The following PCDHA2 variants were observed in gnomAD, a reference collection of about 807,000 sequenced individuals.
PCDHA2 encodes protocadherin alpha-2.
Under a neutral mutation model 66.0 loss-of-function variants are expected in PCDHA2, and 58 were observed. The ratio of observed to expected loss-of-function variants is 0.88; its 90% confidence interval spans 0.71 to 1.09. PCDHA2 has a LOEUF of 1.09. Among genes scored for constraint, PCDHA2 ranks in the 50% least tolerant of loss-of-function variants. The pLI, the probability that PCDHA2 is intolerant of heterozygous loss-of-function variation, is 0.00. For missense variants in PCDHA2, 1,267 were observed against 1,242.3 expected (o/e 1.02, Z -0.30); for synonymous variants, 634 against 554.0 (o/e 1.14, Z -2.03).
At chr5:140,960,836 AG>A (rs551951864) in intron 1 of PCDHA2, among the ~76,000 whole-genome samples, 345 of 152,342 alleles carry the variant, frequency 2.3e-3, no homozygotes, top group African/African-American at 7.6e-3. Flanking sequence ...AACTTGGAAC[AG>A]GTTTAATGGC....
chr5:140,856,162 C>T (rs782071685), intron 1 of PCDHA2: 7 of 1,598,320 alleles, frequency 4.4e-6, no homozygotes, highest in Non-Finnish European at 6.0e-6. Context: ...ACGAGGAGGC[C>T]AGACACGGCA....
chr5:140,973,015 A>T (rs1554234824), intron 1 of PCDHA2, among the ~76,000 whole-genome samples: 1 of 152,000 alleles, frequency 6.6e-6, no homozygotes, highest in African/African-American at 2.4e-5. Context: ...TGGTGTTGTG[A>T]TTGTTAATGA....
intron 1 of PCDHA2, chr5:140,802,579 C>T: frequency 1.9e-6 from 3 of 1,613,906 alleles, no homozygotes; most frequent in South Asian, 1.1e-5. Context: ...TCCGAGTACA[C>T]GGTGTTCGTG....
intron 1 of PCDHA2, among the ~76,000 whole-genome samples, chr5:140,977,973 A>G (rs1336063493): frequency 4.6e-5 from 7 of 152,178 alleles, no homozygotes; most frequent in Admixed American, 3.9e-4. Flanking sequence ...TCCGCCCATG[A>G]AAACGCATCT....
intron 1 of PCDHA2, chr5:140,875,350 T>G (rs1465566736): frequency 6.9e-7 from 1 of 1,444,966 alleles, no homozygotes; most frequent in African/African-American, 1.4e-5. Flanking sequence ...CCATAATGAC[T>G]GTGATGCTGG....
Position 140,797,252 on chromosome 5 carries a change from A to AC in PCDHA2, c.2295dup (p.Lys766GlnfsTer10), listed in dbSNP as rs558931090. Reference sequence around the variant, plus strand: ...CGGCAGAGGGTGTGCTCTGGGGAGGACCCCCCCAAGACGGACCTCATGGCC... The same window carrying AC: ...CGGCAGAGGGTGTGCTCTGGGGAGGACCCCCCCCAAGACGGACCTCATGGCC... On this transcript the variant is annotated frameshift_variant, in exon 1 of 4. Coordinates refer to ENST00000526136, the MANE Select transcript of PCDHA2 (RefSeq NM_018905.3). LOFTEE classifies it high-confidence loss of function. 2.9e-4 allele frequency: 466 copies of AC among 1,613,092 alleles called. 1 individual carries two copies. The highest frequency in any genetic ancestry group is 2.2e-3 in the African/African-American group (166 of 74,636).
At chr5:140,935,633 C>T (rs1316098876) in intron 1 of PCDHA2, among the ~76,000 whole-genome samples, 4 of 152,046 alleles carry the variant, frequency 2.6e-5, no homozygotes, top group African/African-American at 7.2e-5. Context: ...AAATTTAGGG[C>T]TTGCTTTTTA....
chr5:140,848,945 T>G (rs1554142609), intron 1 of PCDHA2: 5 of 1,607,094 alleles, frequency 3.1e-6, no homozygotes, highest in South Asian at 1.1e-5. Flanking sequence ...CGCTTGACTC[T>G]CGGTTTCCAC....
In PCDHA2 at chr5:140,903,129, A is replaced by C. The variant is rs184256724; in HGVS notation, c.2389-75820A>C. On this transcript the variant is annotated intron_variant, in intron 1 of 3. Coordinates refer to ENST00000526136, the MANE Select transcript of PCDHA2 (RefSeq NM_018905.3). ...TAGCTCTACTTCTAAATCTTTAAGA[A>C]ATCTCCAAACTGTTTTCCATAGTGG... Among the ~76,000 whole-genome samples the C allele has an allele frequency of 2.8e-3, 421 of 152,322 alleles. 2 individuals carry two copies. Among genetic ancestry groups the C allele is most frequent in the Middle Eastern group, 0.014 (4 of 294 alleles).
intron 1 of PCDHA2, chr5:140,857,918 G>T (rs1243844248): frequency 6.3e-7 from 1 of 1,597,708 alleles, no homozygotes; most frequent in Non-Finnish European, 8.6e-7. Context: ...GTTTCGCGTG[G>T]GGCTGTACAC....
intron 1 of PCDHA2, chr5:140,928,113 G>C: frequency 6.2e-7 from 1 of 1,614,228 alleles, no homozygotes; most frequent in Admixed American, 1.7e-5. Context: ...ACCGGGAGCA[G>C]ATCAGTGAAT....
chr5:140,882,656 C>T, intron 1 of PCDHA2: 1 of 1,614,192 alleles, frequency 6.2e-7, no homozygotes, highest in Non-Finnish European at 8.5e-7. Flanking sequence ...TAACGACAAC[C>T]CGCCCATATT....
intron 1 of PCDHA2, chr5:140,882,774 C>T (rs782785084): frequency 1.2e-6 from 2 of 1,614,228 alleles, no homozygotes; most frequent in Non-Finnish European, 1.7e-6. Flanking sequence ...TCGGCATTGA[C>T]CTACCGACTG....
intron 1 of PCDHA2, chr5:140,812,207 C>T (rs2126636246): frequency 9.9e-5 from 15 of 151,788 alleles, no homozygotes; most frequent in African/African-American, 3.4e-4. Context: ...CTAGTTACAG[C>T]TTTGTTTAGA....
intron 1 of PCDHA2, among the ~76,000 whole-genome samples, chr5:140,845,188 T>C (rs1416130402): frequency 1.3e-5 from 2 of 149,344 alleles, no homozygotes; most frequent in African/African-American, 4.9e-5. Flanking sequence ...CTTTAAAAAA[T>C]ATGATTGTTT....
chr5:140,987,790 A>AT (rs1409478213), intron 3 of PCDHA2, among the ~76,000 whole-genome samples: 3 of 152,100 alleles, frequency 2.0e-5, no homozygotes, highest in Admixed American at 6.6e-5. Context: ...TATAGAGAAG[A>AT]TTTTTTTAAA....
rs782251225 is a variant in PCDHA2 at position 140,801,822 on chromosome 5, T to TA, written c.2388+4471dup. ...AAATCGAGAGGACACTCCTAAGCATTATTTACTAATAACAGCAATTGATGG... is the reference window on the plus strand; with the variant it reads ...AAATCGAGAGGACACTCCTAAGCATTAATTTACTAATAACAGCAATTGATGG... On this transcript the variant is annotated intron_variant, in intron 1 of 3. Coordinates refer to ENST00000526136, the MANE Select transcript of PCDHA2 (RefSeq NM_018905.3). The TA allele has an allele frequency of 9.9e-6, 16 of 1,614,032 alleles. No homozygotes were observed. In the East Asian group the frequency reaches 3.6e-4, roughly 36 times the overall value.
At chr5:140,871,427 T>G (rs782140666) in intron 1 of PCDHA2, 3 of 1,613,326 alleles carry the variant, frequency 1.9e-6, no homozygotes, top group Non-Finnish European at 2.5e-6. Context: ...AGCCCCAGTC[T>G]TCCTCTAGGT....
intron 1 of PCDHA2, chr5:140,928,696 C>G: frequency 6.2e-7 from 1 of 1,614,146 alleles, no homozygotes. Flanking sequence ...CCACATCTCC[C>G]GGGCGTCTGA....
Sources: allele counts gnomAD v4.1 joint callset (sites outside exome capture counted in the v4.1 genomes callset), GRCh38; gene constraint gnomAD v4.1.1; transcripts MANE v1.5; gene names NCBI Gene and HGNC (gene_info 2026-07-23, HGNC 2026-07-21).